RYR2: variants seen among roughly 807,000 people sequenced by gnomAD.
RYR2 encodes the protein cardiac muscle ryanodine receptor-calcium release channel.
In RYR2, 227 loss-of-function variants were observed where a neutral mutation model predicts 601.1. That is an observed-to-expected ratio of 0.38 (90% CI 0.34 to 0.42). The LOEUF is 0.42. Among genes scored for constraint, RYR2 ranks in the 10% least tolerant of loss-of-function variants. The pLI is 1.00. For missense variants in RYR2, 4,646 were observed against 6,156.5 expected (o/e 0.75, Z 8.21); for synonymous variants, 2,223 against 2,175.1 (o/e 1.02, Z -0.61).
chr1:237,156,478 A>G (rs1337799), intron 1 of RYR2, among the ~76,000 whole-genome samples: 5,734 of 152,256 alleles, frequency 0.038, 277 homozygotes, highest in African/African-American at 0.11. Flanking sequence ...GCTTGATTCA[A>G]TGTTCCCAAA....
At chr1:237,548,217 G>A (rs2148087072) in intron 25 of RYR2, among the ~76,000 whole-genome samples, 1 of 152,272 alleles carries the variant, frequency 6.6e-6, no homozygotes, top group East Asian at 1.9e-4. Flanking sequence ...TCTTATTGGT[G>A]TAAAAACAAA....
At chr1:237,067,491 A>G (rs980978355) in intron 1 of RYR2, among the ~76,000 whole-genome samples, 2 of 152,150 alleles carry the variant, frequency 1.3e-5, no homozygotes, top group African/African-American at 4.8e-5. Flanking sequence ...TCATTCGTCT[A>G]TGTGTCTAGC....
At chr1:237,818,475 G>T (rs1662081453) in intron 100 of RYR2, among the ~76,000 whole-genome samples, 1 of 152,006 alleles carries the variant, frequency 6.6e-6, no homozygotes, top group Admixed American at 6.6e-5. Context: ...ACGTTTTAGG[G>T]TTTAAACAAT....
In RYR2 at chr1:237,793,482, A is replaced by G. The variant is rs935981908; in HGVS notation, c.13783-385A>G. Among the ~76,000 whole-genome samples, 3 of 152,240 alleles carry G rather than the reference A, an allele frequency of 2.0e-5. No homozygotes were observed. The South Asian group carries it at 6.2e-4, about 31-fold the overall frequency. ...TTCTCAAATAAAACTGCACTTTAGT[A>G]GCATGCATTTGGGAACATTGCTGCA... On this transcript the variant is annotated intron_variant, in intron 94 of 104. Coordinates refer to ENST00000366574, the MANE Select transcript of RYR2 (RefSeq NM_001035.3).
At chr1:237,451,458 C>T (rs910727290) in intron 14 of RYR2, among the ~76,000 whole-genome samples, 1 of 151,864 alleles carries the variant, frequency 6.6e-6, no homozygotes, top group South Asian at 2.1e-4. Context: ...CCTGTAATCT[C>T]AGCTGTTCTG....
intron 16 of RYR2, among the ~76,000 whole-genome samples, chr1:237,462,281 A>T (rs1659568657): frequency 6.6e-6 from 1 of 152,172 alleles, no homozygotes; most frequent in African/African-American, 2.4e-5. Context: ...GCACAGAGAG[A>T]AAACCAAGAA....
intron 86 of RYR2, 135 bp from the exon 87 acceptor site, chr1:237,773,385 T>A: frequency 1.8e-6 from 1 of 570,576 alleles, no homozygotes; most frequent in South Asian, 2.5e-5. Context: ...GAATGATATT[T>A]ACTTCACAGA....
chr1:237,544,788 C>G (rs2148056713), intron 25 of RYR2, among the ~76,000 whole-genome samples: 1 of 152,182 alleles, frequency 6.6e-6, no homozygotes, highest in East Asian at 1.9e-4. Context: ...GTACTACAAA[C>G]AGAAAATTCG....
At chr1:237,726,413 C>A in intron 75 of RYR2, 105 bp downstream of exon 75, 1 of 743,496 alleles carries the variant, frequency 1.3e-6, no homozygotes, top group Admixed American at 2.5e-5. Flanking sequence ...CTTAGAGTTC[C>A]AAACACTATT....
At chr1:237,440,245 G>A (rs1169660334) in intron 12 of RYR2, among the ~76,000 whole-genome samples, 1 of 152,050 alleles carries the variant, frequency 6.6e-6, no homozygotes, top group Non-Finnish European at 1.5e-5. Flanking sequence ...GTTCGTTTTT[G>A]TTTAGCAGAC....
chr1:237,768,392 T>C (rs1373702565), intron 84 of RYR2, among the ~76,000 whole-genome samples: 2 of 152,172 alleles, frequency 1.3e-5, no homozygotes, highest in Non-Finnish European at 1.5e-5. Context: ...TATCTTTATT[T>C]TATACAAGAG....
chr1:237,073,865 T>TA (rs770238369), intron 1 of RYR2, among the ~76,000 whole-genome samples: 63 of 88,054 alleles, frequency 7.2e-4, no homozygotes, highest in Non-Finnish European at 8.5e-4. Flanking sequence ...AGACTCCATC[T>TA]TAAAAAAAAA....
intron 1 of RYR2, among the ~76,000 whole-genome samples, chr1:237,159,704 A>G (rs567184907): frequency 6.6e-6 from 1 of 152,328 alleles, no homozygotes; most frequent in Admixed American, 6.5e-5. Context: ...CTAATAATAG[A>G]AAATAAATAT....
At chr1:237,821,031 A>G (rs1662438361) in intron 101 of RYR2, among the ~76,000 whole-genome samples, 1 of 152,134 alleles carries the variant, frequency 6.6e-6, no homozygotes, top group African/African-American at 2.4e-5. Flanking sequence ...CTAGTTATTT[A>G]CTTATAGATA....
At chr1:237,264,625 C>T (rs945515158) in intron 1 of RYR2, among the ~76,000 whole-genome samples, 1 of 151,960 alleles carries the variant, frequency 6.6e-6, no homozygotes, top group Admixed American at 6.6e-5. Flanking sequence ...TTTTATATAC[C>T]TGACATTATG....
Position 237,650,006 on chromosome 1 carries a change from T to C in RYR2, c.7642T>C (p.Leu2548=). The change falls in exon 50 of 105, where the codon TTA becomes CTA. Residue 2548 remains leucine, a synonymous_variant. Coordinates refer to ENST00000366574, the MANE Select transcript of RYR2 (RefSeq NM_001035.3). ...GCACCACGCTTCTCTCATTGACTCATTACTTCATACTGTGTATAGACTTTC... is the reference window on the plus strand; with the variant it reads ...GCACCACGCTTCTCTCATTGACTCACTACTTCATACTGTGTATAGACTTTC... The part of the protein sequence containing the change: ...TEHHASLIDS[L]LHTVYRLSKG... 6.2e-7 allele frequency: 1 copy of C among 1,613,998 alleles called. No individual in the cohort carries two copies. Among genetic ancestry groups the C allele is most frequent in the Non-Finnish European group, 8.5e-7 (1 of 1,179,862 alleles).
chr1:237,257,381 T>C (rs950964), intron 1 of RYR2, among the ~76,000 whole-genome samples: 25,596 of 152,148 alleles, frequency 0.17, 2,624 homozygotes, highest in East Asian at 0.54. Context: ...TGCTATATGA[T>C]AGGTATAAGT....
At position 237,454,394 on chromosome 1, in the gene RYR2, C is replaced by T. The variant is rs184176405; in HGVS notation, c.1296C>T (p.Gly432=). ...AAATGTTTATGGTTTATTTTAGGGG[C>T]CTTGATGCTCTCAGCAAGAAAGCGA... is the stretch of plus-strand genomic sequence containing the variant. The part of the protein sequence containing the change: ...TVFLFNRFIR[G]LDALSKKAKA... The change falls in exon 15 of 105, where the codon GGC becomes GGT. Residue 432 remains glycine, a synonymous_variant. Coordinates refer to ENST00000366574, the MANE Select transcript of RYR2 (RefSeq NM_001035.3). 1 of 1,603,530 alleles carries T rather than the reference C, an allele frequency of 6.2e-7. No homozygotes were observed. The highest frequency in any genetic ancestry group is 8.5e-7 in the Non-Finnish European group (1 of 1,175,524).
chr1:237,094,658 T>C (rs1667322452), intron 1 of RYR2, among the ~76,000 whole-genome samples: 1 of 152,156 alleles, frequency 6.6e-6, no homozygotes, highest in East Asian at 1.9e-4. Flanking sequence ...CACTGCAAAC[T>C]CCGCCTCACT....
Sources: gnomAD v4.1 joint callset for allele counts (sites outside exome capture counted in the v4.1 genomes callset) on GRCh38, gnomAD v4.1.1 for gene constraint, MANE v1.5 for transcripts, NCBI Gene and HGNC (gene_info 2026-07-23, HGNC 2026-07-21) for gene names.